Variants in FRMD4A observed in about 807,000 individuals in gnomAD.
FRMD4A encodes the protein FERM domain containing 4A, also known as FERM domain-containing protein 4A.
Under a neutral mutation model 129.1 loss-of-function variants are expected in FRMD4A, and 29 were observed. The observed-to-expected ratio is 0.22, with a 90% CI of 0.17 to 0.31. The LOEUF (loss-of-function observed/expected upper bound fraction) is 0.31. Among genes scored for constraint, FRMD4A ranks in the 10% least tolerant of loss-of-function variants. FRMD4A has a pLI of 1.00. For synonymous variants in FRMD4A, 634 were observed against 571.6 expected (o/e 1.11, Z -1.56); for missense variants, 1,272 against 1,375.8 (o/e 0.92, Z 1.19).
intron 2 of FRMD4A, among the ~76,000 whole-genome samples, chr10:14,111,186 G>C (rs936230802): frequency 7.9e-5 from 12 of 152,094 alleles, no homozygotes; most frequent in African/African-American, 2.9e-4. Context: ...TCTGCTTTCT[G>C]TCTCTGCGAA....
At chr10:13,669,115 G>A (rs2083306235) in intron 17 of FRMD4A, among the ~76,000 whole-genome samples, 1 of 144,362 alleles carries the variant, frequency 6.9e-6, no homozygotes, top group African/African-American at 2.6e-5. Context: ...AGGCTGGAGT[G>A]CAGTGGCGCA....
At chr10:13,717,627 T>C (rs915622013) in intron 12 of FRMD4A, among the ~76,000 whole-genome samples, 2 of 151,668 alleles carry the variant, frequency 1.3e-5, no homozygotes, top group African/African-American at 4.8e-5. Context: ...TTTTTTTTTT[T>C]TTTTTTTTTA....
rs11426622 is a variant in FRMD4A at position 13,802,003 on chromosome 10, CA to C, written c.207-5416del. ...TTCATTGCCTTTGCCAATAATAATG[CA>C]AAAAAAAAAAAAAAAAAAGCATCCC... On this transcript the variant is annotated intron_variant, in intron 4 of 24. Coordinates refer to ENST00000357447, the MANE Select transcript of FRMD4A (RefSeq NM_018027.5). Among the ~76,000 whole-genome samples, 655 of 109,496 alleles carry C rather than the reference CA, an allele frequency of 6.0e-3. 5 individuals are homozygous for C. Among genetic ancestry groups the C allele is most frequent in the East Asian group, 0.024 (82 of 3,466 alleles). 71.8% of individuals were successfully genotyped at this position (109,496 alleles called of 152,430 possible).
chr10:13,971,424 G>A (rs1304697618), intron 2 of FRMD4A, among the ~76,000 whole-genome samples: 1 of 152,120 alleles, frequency 6.6e-6, no homozygotes, highest in Non-Finnish European at 1.5e-5. Flanking sequence ...TCCTCGATCC[G>A]GTGGCTTTGA....
intron 2 of FRMD4A, among the ~76,000 whole-genome samples, chr10:14,038,605 A>G (rs1026384228): frequency 1.3e-5 from 2 of 152,220 alleles, no homozygotes; most frequent in Admixed American, 6.5e-5. Flanking sequence ...CATAAAATTG[A>G]TAACATTTGT....
intron 2 of FRMD4A, among the ~76,000 whole-genome samples, chr10:13,884,184 A>C (rs28704725): frequency 3.1e-4 from 25 of 79,570 alleles, no homozygotes; most frequent in South Asian, 2.2e-3. Context: ...ACTCACACAC[A>C]CACACACACA....
At position 14,033,886 on chromosome 10, in the gene FRMD4A, G is replaced by A. The variant is rs192333452; in HGVS notation, c.46-174974C>T. On this transcript the variant is annotated intron_variant, in intron 2 of 24. Transcript: ENST00000357447. ...GAAGTTAGGAAGGAAGGGAGAAAAT[G>A]TGATATATAGACACCATGGAATGCT... Among the ~76,000 whole-genome samples, 234 of 152,160 alleles carry A rather than the reference G, an allele frequency of 1.5e-3. 1 individual carries two copies. Among genetic ancestry groups the A allele is most frequent in the Non-Finnish European group, 1.7e-3 (116 of 67,986 alleles).
At chr10:13,655,581 A>AATGCTG (rs1564521934) in intron 22 of FRMD4A, 30 of 152,284 alleles carry the variant, frequency 2.0e-4, no homozygotes, top group African/African-American at 6.7e-4. Context: ...ATAGAATGCC[A>AATGCTG]GAGCCTGGCT....
intron 2 of FRMD4A, among the ~76,000 whole-genome samples, chr10:14,134,109 A>T (rs1839405732): frequency 6.6e-6 from 1 of 152,214 alleles, no homozygotes; most frequent in Non-Finnish European, 1.5e-5. Flanking sequence ...GGTTTCTGGT[A>T]AATAGTCTTG....
In FRMD4A at chr10:14,204,565, C is replaced by A. The variant is rs868266547; in HGVS notation, c.45+125493G>T. On this transcript the variant is annotated intron_variant, in intron 2 of 24. Transcript: ENST00000357447. Reference sequence around the variant, plus strand: ...TAGTCACGGTTCATTCCTTTTCTCGCAACTACAAAATGAATAGATCCAGAC... The same window carrying A: ...TAGTCACGGTTCATTCCTTTTCTCGAAACTACAAAATGAATAGATCCAGAC... 5.5e-4 allele frequency among the ~76,000 whole-genome samples: 84 copies of A among 152,212 alleles called. No individual in the cohort carries two copies. In the Middle Eastern group the frequency reaches 0.01, roughly 18 times the overall value.
intron 2 of FRMD4A, among the ~76,000 whole-genome samples, chr10:14,087,866 A>T (rs963309628): frequency 6.6e-6 from 1 of 152,208 alleles, no homozygotes; most frequent in Non-Finnish European, 1.5e-5. Context: ...TTATTAAAAC[A>T]GAAGGGGAAA....
chr10:14,164,318 C>T (rs570266733), intron 2 of FRMD4A, among the ~76,000 whole-genome samples: 15 of 152,312 alleles, frequency 9.8e-5, no homozygotes, highest in African/African-American at 3.4e-4. Flanking sequence ...TGCGCCTGGT[C>T]CCTGTCCCTG....
intron 2 of FRMD4A, among the ~76,000 whole-genome samples, chr10:14,009,276 C>A (rs1040926900): frequency 1.3e-5 from 2 of 152,048 alleles, no homozygotes; most frequent in African/African-American, 4.8e-5. Context: ...CAAAGAAAAT[C>A]AAGTAAGGTG....
intron 6 of FRMD4A, among the ~76,000 whole-genome samples, chr10:13,772,543 G>A (rs1014631370): frequency 9.5e-4 from 144 of 152,270 alleles, no homozygotes; most frequent in African/African-American, 3.3e-3. Flanking sequence ...GTAGACTTTA[G>A]GCCAGTTTCA....
chr10:13,987,873 C>T (rs906364971), intron 2 of FRMD4A, among the ~76,000 whole-genome samples: 1 of 152,144 alleles, frequency 6.6e-6, no homozygotes, highest in African/African-American at 2.4e-5. Flanking sequence ...TTGCTTCCTA[C>T]CTACAATTAA....
chr10:13,778,082 T>C (rs1218409140), intron 6 of FRMD4A, among the ~76,000 whole-genome samples: 4 of 152,244 alleles, frequency 2.6e-5, no homozygotes, highest in African/African-American at 9.6e-5. Context: ...ATTACAGGCG[T>C]GGGCCGGGGA....
intron 2 of FRMD4A, among the ~76,000 whole-genome samples, chr10:13,991,430 C>A (rs1055884223): frequency 3.3e-5 from 5 of 152,306 alleles, no homozygotes; most frequent in Middle Eastern, 3.4e-3. Context: ...TCCAACGGGA[C>A]CCCCTCTGTT....
At chr10:13,972,101 C>G in intron 2 of FRMD4A, 1 of 1,105,456 alleles carries the variant, frequency 9.0e-7, no homozygotes. Flanking sequence ...CCTCAGTGTG[C>G]AGATAACGGC....
At chr10:13,935,551 A>T (rs1409740022) in intron 2 of FRMD4A, among the ~76,000 whole-genome samples, 1 of 151,876 alleles carries the variant, frequency 6.6e-6, no homozygotes, top group African/African-American at 2.4e-5. Flanking sequence ...TTAGGTAAAA[A>T]TATTGTTGTA....
Sources: gnomAD v4.1 joint callset for allele counts (sites outside exome capture counted in the v4.1 genomes callset) on GRCh38, gnomAD v4.1.1 for gene constraint, MANE v1.5 for transcripts, NCBI Gene and HGNC (gene_info 2026-07-23, HGNC 2026-07-21) for gene names.